Variants in RIMS2 observed in about 807,000 individuals in gnomAD.
RIMS2 encodes the protein regulating synaptic membrane exocytosis 2.
RIMS2 carries 59 observed loss-of-function variants against 174.4 expected under a neutral mutation model. The observed-to-expected ratio is 0.34, with a 90% CI of 0.27 to 0.42. The LOEUF (loss-of-function observed/expected upper bound fraction) is 0.42, where lower values mean the gene tolerates loss of function less well. RIMS2 is among the 10% of genes least tolerant of loss of function. The pLI is 1.00. For synonymous variants in RIMS2, 606 were observed against 572.5 expected (o/e 1.06, Z -0.84); for missense variants, 1,620 against 1,666.3 (o/e 0.97, Z 0.48).
At chr8:103,839,641 A>G (rs2098927927) in intron 3 of RIMS2, among the ~76,000 whole-genome samples, 1 of 152,186 alleles carries the variant, frequency 6.6e-6, no homozygotes, top group Admixed American at 6.5e-5. Context: ...AGTCCTCAGC[A>G]GGTGCAGTCT....
At chr8:104,044,778 T>G (rs578132184) in intron 19 of RIMS2, among the ~76,000 whole-genome samples, 1 of 151,728 alleles carries the variant, frequency 6.6e-6, no homozygotes, top group East Asian at 1.9e-4. Flanking sequence ...CCTAATACTG[T>G]AAGGGAGACA....
chr8:103,934,513 T>C (rs192078849), intron 12 of RIMS2, among the ~76,000 whole-genome samples: 42 of 152,276 alleles, frequency 2.8e-4, no homozygotes, highest in African/African-American at 9.4e-4. Context: ...ACATACTAAA[T>C]TGCCTTATTA....
intron 3 of RIMS2, among the ~76,000 whole-genome samples, chr8:103,806,616 TTG>T (rs754183766): frequency 4.7e-5 from 7 of 150,274 alleles, no homozygotes; most frequent in Non-Finnish European, 7.4e-5. Flanking sequence ...TGATATTATT[TTG>T]TGTGTGTGTG....
intron 1 of RIMS2, among the ~76,000 whole-genome samples, chr8:103,599,899 C>T (rs1335539445): frequency 1.3e-5 from 2 of 152,098 alleles, no homozygotes; most frequent in Non-Finnish European, 2.9e-5. Flanking sequence ...ACAAACCATC[C>T]AATTATACTC....
chr8:103,773,297 A>G (rs1439018624), intron 3 of RIMS2, among the ~76,000 whole-genome samples: 1 of 152,252 alleles, frequency 6.6e-6, no homozygotes, highest in South Asian at 2.1e-4. Flanking sequence ...AAAAAGATAT[A>G]TAAAGCACTC....
intron 1 of RIMS2, among the ~76,000 whole-genome samples, chr8:103,553,909 TC>T (rs1849221143): frequency 6.6e-6 from 1 of 151,744 alleles, no homozygotes; most frequent in South Asian, 2.1e-4. Context: ...ACACCTATAA[TC>T]ATCTAATCTT....
intron 2 of RIMS2, among the ~76,000 whole-genome samples, chr8:103,738,398 T>C (rs967571161): frequency 9.9e-5 from 15 of 152,150 alleles, no homozygotes; most frequent in African/African-American, 3.4e-4. Context: ...GGATTAAAGA[T>C]TTAATTGTTA....
intron 1 of RIMS2, among the ~76,000 whole-genome samples, chr8:103,645,954 TCAGTGAAGGGAGATACGGGTGGGG>T (rs1475002835): frequency 6.6e-6 from 1 of 151,526 alleles, no homozygotes; most frequent in African/African-American, 2.4e-5. Context: ...GAAAAGAGAG[TCAGTGAAGGGAGATACGGGTGGGG>T]CTGTTTTATA....
chr8:103,985,336 T>C (rs2094263085), intron 16 of RIMS2, among the ~76,000 whole-genome samples: 3 of 151,654 alleles, frequency 2.0e-5, no homozygotes, highest in South Asian at 2.1e-4. Flanking sequence ...TAGCCGAGCA[T>C]GGTGGTGCGC....
chr8:104,171,082 A>G (rs528970510), intron 19 of RIMS2, among the ~76,000 whole-genome samples: 5 of 152,046 alleles, frequency 3.3e-5, no homozygotes, highest in African/African-American at 7.2e-5. Flanking sequence ...TATTTCCTTC[A>G]TCTTAACTTT....
At chr8:103,833,329 A>T (rs1411934357) in intron 3 of RIMS2, among the ~76,000 whole-genome samples, 3 of 152,000 alleles carry the variant, frequency 2.0e-5, no homozygotes, top group African/African-American at 4.8e-5. Context: ...TTGTTATGTT[A>T]TGCTTACATG....
exon 22 of RIMS2, chr8:104,249,571 G>A: frequency 6.2e-7 from 1 of 1,600,818 alleles, no homozygotes; most frequent in East Asian, 2.2e-5. Context: ...GTAAAACCAG[G>A]TTCCAAGACA....
At chr8:103,793,686 T>C (rs1335170371) in intron 3 of RIMS2, among the ~76,000 whole-genome samples, 1 of 152,132 alleles carries the variant, frequency 6.6e-6, no homozygotes, top group African/African-American at 2.4e-5. Flanking sequence ...AAAAACCCCA[T>C]TGTCTCAGCC....
intron 1 of RIMS2, among the ~76,000 whole-genome samples, chr8:103,519,791 G>A (rs201828141): frequency 1.2e-3 from 175 of 146,956 alleles, no homozygotes; most frequent in East Asian, 6.0e-3. Flanking sequence ...GAAACATTAC[G>A]GTTTAGACTC....
chr8:103,991,045 A>T (rs1555099519), intron 17 of RIMS2, among the ~76,000 whole-genome samples: 1 of 151,898 alleles, frequency 6.6e-6, no homozygotes, highest in Non-Finnish European at 1.5e-5. Flanking sequence ...TAATATGGTC[A>T]TATTAGGTAA....
At chr8:103,933,443 A>G (rs1268452566) in intron 12 of RIMS2, among the ~76,000 whole-genome samples, 1 of 152,176 alleles carries the variant, frequency 6.6e-6, no homozygotes, top group Non-Finnish European at 1.5e-5. Flanking sequence ...CTGAGATTGC[A>G]TGCGGCATTG....
intron 12 of RIMS2, among the ~76,000 whole-genome samples, chr8:103,935,385 A>G (rs1487526241): frequency 1.3e-5 from 2 of 152,214 alleles, no homozygotes; most frequent in African/African-American, 2.4e-5. Context: ...TCTTTCTGCC[A>G]TGTTATATAT....
chr8:104,246,481 T>C (rs1588192353), intron 20 of RIMS2, among the ~76,000 whole-genome samples: 1 of 152,126 alleles, frequency 6.6e-6, no homozygotes, highest in East Asian at 1.9e-4. Flanking sequence ...AAAAATAAAA[T>C]ACTCTCATCA....
chr8:103,825,445 A>AG (rs2098783351), intron 3 of RIMS2, among the ~76,000 whole-genome samples: 2 of 81,230 alleles, frequency 2.5e-5, no homozygotes. Context: ...ATGGCTAGCT[A>AG]ATTTTTTTTT....
Sources: allele counts gnomAD v4.1 joint callset (sites outside exome capture counted in the v4.1 genomes callset), GRCh38; gene constraint gnomAD v4.1.1; transcripts MANE v1.5; gene names NCBI Gene and HGNC (gene_info 2026-07-23, HGNC 2026-07-21).